Variants in PPP4R4 observed in about 807,000 individuals in gnomAD.
PPP4R4 encodes the protein protein phosphatase 4 regulatory subunit 4, also known as serine/threonine-protein phosphatase 4 regulatory subunit 4.
Under a neutral mutation model 121.8 loss-of-function variants are expected in PPP4R4, and 70 were observed. The ratio of observed to expected loss-of-function variants is 0.57; its 90% CI spans 0.47 to 0.70. The LOEUF (loss-of-function observed/expected upper bound fraction) is 0.70. PPP4R4 is among the 30% of genes least tolerant of loss of function. PPP4R4 has a pLI of 0.00. For missense variants in PPP4R4, 875 were observed against 1,033.6 expected, an observed-to-expected ratio of 0.85 and a Z score of 2.10; for synonymous variants, 348 against 355.7, an observed-to-expected ratio of 0.98 and a Z score of 0.24.
chr14:94,227,729 C>T, intron 3 of PPP4R4: 2 of 1,007,508 alleles, frequency 2.0e-6, no homozygotes, highest in Non-Finnish European at 2.4e-6. Context: ...AGAATTGCAT[C>T]TCTTGGAAGT....
chr14:94,223,365 G>A (rs1891518881), intron 3 of PPP4R4, among the ~76,000 whole-genome samples: 1 of 152,204 alleles, frequency 6.6e-6, no homozygotes, highest in African/African-American at 2.4e-5. Flanking sequence ...AACTGCACTA[G>A]CAATAGAGTC....
chr14:94,260,672 T>G (rs992173413), intron 19 of PPP4R4, among the ~76,000 whole-genome samples: 1 of 152,134 alleles, frequency 6.6e-6, no homozygotes, highest in African/African-American at 2.4e-5. Flanking sequence ...AGTGGGTTGT[T>G]TATTATTGTT....
chr14:94,225,193 C>G (rs1724881493), intron 3 of PPP4R4, among the ~76,000 whole-genome samples: 1 of 152,198 alleles, frequency 6.6e-6, no homozygotes, highest in African/African-American at 2.4e-5. Flanking sequence ...CTAATCAACT[C>G]TCTTGGCAAG....
At chr14:94,264,813 C>G in intron 19 of PPP4R4, 65 bp from the exon 20 acceptor site, 2 of 1,255,662 alleles carry the variant, frequency 1.6e-6, no homozygotes, top group Non-Finnish European at 2.3e-6. Context: ...TGCTTAATTT[C>G]TCAGAACAAT....
chr14:94,241,907 CAGG>C lies in PPP4R4; in HGVS notation c.1099_1101del (p.Glu367del), dbSNP rs1446220632. 6.2e-7 allele frequency: 1 copy of C among 1,610,132 alleles called. No homozygotes were observed. The highest frequency in any genetic ancestry group is 8.5e-7 in the Non-Finnish European group (1 of 1,178,150). ...CCAGATTCCACCCCAAATCCTAGAGCAGGAGAAGAAATATATTTCAGTACGGAA... is the reference window on the plus strand; with the variant it reads ...CCAGATTCCACCCCAAATCCTAGAGCAGAAGAAATATATTTCAGTACGGAA... On this transcript the variant is annotated inframe_deletion, in exon 10 of 25. Coordinates refer to ENST00000304338, the MANE Select transcript of PPP4R4 (RefSeq NM_058237.2).
intron 7 of PPP4R4, among the ~76,000 whole-genome samples, chr14:94,235,069 AG>A (rs1362717840): frequency 6.6e-6 from 1 of 152,210 alleles, no homozygotes; most frequent in Non-Finnish European, 1.5e-5. Context: ...CTGATATAAA[AG>A]AGTGTAGTAT....
At chr14:94,237,820 A>G (rs1892423570) in intron 8 of PPP4R4, 134 bp downstream of exon 8, 1 of 1,210,620 alleles carries the variant, frequency 8.3e-7, no homozygotes, top group Admixed American at 2.3e-5. Context: ...TTTATGATTC[A>G]TTCTGTTTTC....
At chr14:94,216,449 C>T (rs993537603) in intron 3 of PPP4R4, among the ~76,000 whole-genome samples, 2 of 152,226 alleles carry the variant, frequency 1.3e-5, no homozygotes, top group African/African-American at 2.4e-5. Flanking sequence ...GGTGAATGTG[C>T]ACTCGCACAG....
intron 5 of PPP4R4, 56 bp downstream of exon 5, chr14:94,231,371 T>C: frequency 1.4e-6 from 2 of 1,424,486 alleles, no homozygotes; most frequent in Non-Finnish European, 1.9e-6. Context: ...GGTTTTTTTT[T>C]AAAAGGTTTC....
intron 22 of PPP4R4, 26 bp downstream of exon 22, chr14:94,265,913 T>C: frequency 7.2e-7 from 1 of 1,390,918 alleles, no homozygotes; most frequent in Non-Finnish European, 9.9e-7. Context: ...CCTTCAATTT[T>C]TAACATAATT....
Position 94,275,521 on chromosome 14 carries a change from T to A in PPP4R4, c.2597T>A (p.Leu866Ter), listed in dbSNP as rs755232005. 76 of 1,613,970 alleles carry A rather than the reference T, an allele frequency of 4.7e-5. No individual in the cohort carries two copies. In the South Asian group the frequency reaches 7.7e-4, roughly 16 times the overall value. ...GATACACAACCACGGAAGGCTACCT[T>A]GTAAGTAATCAAGTGATGTCAGACT... The part of the protein sequence containing the change: ...SKDTQPRKAT[L>*]KSRKSNP Residue 866 changes from leucine to a stop codon, truncating the protein, a stop_gained and splice_region_variant, in exon 24 of 25, where the codon TTA becomes TAA. Transcript: ENST00000304338. LOFTEE classifies it high-confidence loss of function.
At chr14:94,190,281 C>T (rs1192844423) in intron 2 of PPP4R4, among the ~76,000 whole-genome samples, 3 of 152,056 alleles carry the variant, frequency 2.0e-5, no homozygotes, top group African/African-American at 4.8e-5. Context: ...AGCCCTTTTC[C>T]CCTGCTATGT....
At chr14:94,185,297 G>A (rs1490973378) in intron 2 of PPP4R4, among the ~76,000 whole-genome samples, 1 of 152,162 alleles carries the variant, frequency 6.6e-6, no homozygotes, top group East Asian at 1.9e-4. Flanking sequence ...GTTGAGCCCA[G>A]GAATTCGAGA....
chr14:94,263,691 GACT>G (rs1052567462), intron 19 of PPP4R4, among the ~76,000 whole-genome samples: 1 of 152,140 alleles, frequency 6.6e-6, no homozygotes, highest in African/African-American at 2.4e-5. Context: ...AGTAGACAAG[GACT>G]TCAAGATAAC....
At chr14:94,183,697 A>G (rs1043037613) in intron 2 of PPP4R4, among the ~76,000 whole-genome samples, 3 of 152,212 alleles carry the variant, frequency 2.0e-5, no homozygotes, top group Non-Finnish European at 4.4e-5. Flanking sequence ...ATTTTCATCA[A>G]TGTAAAAGTG....
chr14:94,275,651 G>T (rs1432980040), intron 24 of PPP4R4, 130 bp downstream of exon 24: 4 of 1,054,832 alleles, frequency 3.8e-6, no homozygotes, highest in Middle Eastern at 5.4e-4. Context: ...AAATTAAAGG[G>T]TATTATTGTC....
chr14:94,250,190 A>G lies in PPP4R4; in HGVS notation c.1630A>G (p.Lys544Glu), dbSNP rs1235269547. Residue 544 changes from lysine to glutamate, a missense_variant, in exon 15 of 25, where the codon AAG (lysine) becomes GAG (glutamate). Lys to Glu is a moderately conservative substitution (Grantham distance 56, BLOSUM62 1). Transcript: ENST00000304338. ...MMTNNVLPVQ[K>E]AASRTLCIFL... is the part of the protein sequence containing the mutation. ...CTTCAAGAATGTTTTACCTGTCCAA[A>G]AGGCGGCTTCACGAACTCTATGCAT... The G allele has an allele frequency of 6.2e-7, 1 of 1,610,694 alleles. No individual in the cohort carries two copies. Among genetic ancestry groups the G allele is most frequent in the Non-Finnish European group, 8.5e-7 (1 of 1,177,214 alleles).
chr14:94,239,223 A>G (rs1478757184), intron 8 of PPP4R4, among the ~76,000 whole-genome samples: 1 of 149,512 alleles, frequency 6.7e-6, no homozygotes, highest in Admixed American at 6.7e-5. Flanking sequence ...TTATAGTTTA[A>G]GTTCTAGGGT....
chr14:94,177,953 A>C (rs1888768402), intron 2 of PPP4R4, among the ~76,000 whole-genome samples: 1 of 152,212 alleles, frequency 6.6e-6, no homozygotes, highest in Non-Finnish European at 1.5e-5. Context: ...GGTGACTCAC[A>C]AGGGGAACAC....
Sources: allele counts gnomAD v4.1 joint callset (sites outside exome capture counted in the v4.1 genomes callset), GRCh38; gene constraint gnomAD v4.1.1; transcripts MANE v1.5; gene names NCBI Gene and HGNC (gene_info 2026-07-23, HGNC 2026-07-21).